The following KCNMB4 variants were observed in gnomAD, a reference collection of about 807,000 sequenced individuals.
The protein encoded by KCNMB4 is calcium-activated potassium channel subunit beta-4.
In KCNMB4, 3 loss-of-function variants were observed where a neutral mutation model predicts 20.7. That is an observed-to-expected ratio of 0.14 (90% CI 0.07 to 0.37). KCNMB4 has a LOEUF of 0.37. Among genes scored for constraint, KCNMB4 ranks in the 10% least tolerant of loss-of-function variants. The probability of loss-of-function intolerance (pLI) is 1.00; values close to 1 mark genes in which losing one functional copy is unlikely to be tolerated. For missense variants in KCNMB4, 168 were observed against 265.9 expected (o/e 0.63, Z 2.56); for synonymous variants, 110 against 113.4 (o/e 0.97, Z 0.19).
At chr12:70,397,493 C>T (rs1333325780) in intron 1 of KCNMB4, among the ~76,000 whole-genome samples, 1 of 152,140 alleles carries the variant, frequency 6.6e-6, no homozygotes, top group East Asian at 1.9e-4. Flanking sequence ...ATTATTTTCT[C>T]CAATGTAAAA....
chr12:70,388,739 A>G (rs1312791170), intron 1 of KCNMB4, among the ~76,000 whole-genome samples: 1 of 152,224 alleles, frequency 6.6e-6, no homozygotes, highest in Admixed American at 6.5e-5. Context: ...GAGAATTATA[A>G]TAGAGCCTGT....
chr12:70,390,901 G>A (rs774784569), intron 1 of KCNMB4, among the ~76,000 whole-genome samples: 8 of 152,118 alleles, frequency 5.3e-5, no homozygotes, highest in South Asian at 4.1e-4. Context: ...TAGCATTAGC[G>A]TAGAGCCAGT....
intron 2 of KCNMB4, among the ~76,000 whole-genome samples, chr12:70,425,266 C>G (rs1869180089): frequency 6.6e-6 from 1 of 151,854 alleles, no homozygotes; most frequent in East Asian, 1.9e-4. Flanking sequence ...GAAACCCCGT[C>G]TCTACTAAAA....
chr12:70,366,522 TG>T lies in KCNMB4; in HGVS notation c.-207del. 1 of 139,322 alleles carries T rather than the reference TG, an allele frequency of 7.2e-6. No individual in the cohort carries two copies. The highest frequency in any genetic ancestry group is 1.5e-5 in the Non-Finnish European group (1 of 65,524). The allele number at this position is 139,322 out of a possible 1,614,324, so 8.6% of individuals were successfully genotyped here. ...TGCACCGCGGGGCCCAGGCGGCGGC[TG>T]GGGGGCTGGGGGGCGCTGCCGCCGC... On this transcript the variant is annotated 5_prime_UTR_variant, in exon 1 of 3. Transcript: ENST00000258111.
Position 70,367,055 on chromosome 12 carries a change from C to T in KCNMB4, c.321C>T (p.Leu107=), listed in dbSNP as rs773614651. The T allele has an allele frequency of 6.5e-7, 1 of 1,532,776 alleles. No individual in the cohort carries two copies. The highest frequency in any genetic ancestry group is 1.8e-5 in the Admixed American group (1 of 54,124). 94.9% of individuals were successfully genotyped at this position (1,532,776 alleles called of 1,614,324 possible). A position where few individuals can be genotyped will look rare whatever the true frequency, so the allele number is the denominator to read the frequency against. Residue 107 remains leucine (L), a synonymous_variant, in exon 1 of 3, where the codon CTC becomes CTT. Transcript: ENST00000258111. ...RALLHSDEHQ[L]LTNPKCSYIP... is the part of the protein sequence containing the mutation. ...TGCTGCACAGCGACGAGCACCAGCT[C>T]CTGACCAACCCCAAGGTAAGAACGC...
In KCNMB4 at chr12:70,366,987, G is replaced by A. The variant is rs757999060; in HGVS notation, c.253G>A (p.Val85Ile). The A allele has an allele frequency of 4.4e-6, 7 of 1,606,822 alleles. No homozygotes were observed. The highest frequency in any genetic ancestry group is 8.5e-7 in the Non-Finnish European group (1 of 1,176,546). Residue 85 changes from valine to isoleucine, a missense_variant, in exon 1 of 3, where the codon GTC (valine) becomes ATC (isoleucine). Coordinates refer to ENST00000258111, the MANE Select transcript of KCNMB4 (RefSeq NM_014505.6). ...DCRGTSQYPCVQVYVNNSESN... is the reference protein window; with the variant it reads ...DCRGTSQYPCIQVYVNNSESN... ...CAGGGGCACCTCGCAGTACCCCTGC[G>A]TCCAGGTCTACGTGAACAACTCTGA...
At chr12:70,399,361 G>A (rs1368207008) in intron 1 of KCNMB4, among the ~76,000 whole-genome samples, 1 of 152,162 alleles carries the variant, frequency 6.6e-6, no homozygotes, top group Non-Finnish European at 1.5e-5. Context: ...TAGAGCTGAC[G>A]AAAATCTCAA....
intron 2 of KCNMB4, 52 bp from the exon 3 acceptor site, chr12:70,430,433 A>T (rs376180926): frequency 9.4e-6 from 15 of 1,590,320 alleles, no homozygotes; most frequent in Non-Finnish European, 1.1e-5. Context: ...AGAGTTTTTC[A>T]GTGCCAAGGC....
At chr12:70,421,740 C>A (rs966542125) in intron 2 of KCNMB4, among the ~76,000 whole-genome samples, 3 of 151,922 alleles carry the variant, frequency 2.0e-5, no homozygotes, top group Non-Finnish European at 4.4e-5. Context: ...CGCCACCACA[C>A]CCATCTAATT....
intron 2 of KCNMB4, among the ~76,000 whole-genome samples, chr12:70,407,041 A>T (rs1868623773): frequency 6.6e-6 from 1 of 152,180 alleles, no homozygotes. Context: ...CCCACAAATT[A>T]AAGGGTCCAG....
intron 2 of KCNMB4, among the ~76,000 whole-genome samples, chr12:70,425,135 A>G (rs971186112): frequency 6.6e-6 from 1 of 152,038 alleles, no homozygotes. Flanking sequence ...GAGTTTTGCC[A>G]AAAAAACAAA....
rs989002 is a variant in KCNMB4, at chr12:70,411,003, C to A, written c.464+10667C>A. Among the ~76,000 whole-genome samples the A allele has an allele frequency of 7.9e-3, 1,198 of 152,184 alleles. 5 individuals carry two copies. Among genetic ancestry groups the A allele is most frequent in the Non-Finnish European group, 0.012 (820 of 67,990 alleles). On this transcript the variant is annotated intron_variant, in intron 2 of 2. Coordinates refer to ENST00000258111, the MANE Select transcript of KCNMB4 (RefSeq NM_014505.6). ...ATTGAGTAGTGGTTTCTTCAGAACA[C>A]AGTTTTAAAGCCATTAAAATAGAAG...
intron 1 of KCNMB4, among the ~76,000 whole-genome samples, chr12:70,388,942 A>G (rs931611214): frequency 6.6e-6 from 1 of 150,836 alleles, no homozygotes; most frequent in African/African-American, 2.4e-5. Flanking sequence ...CCACCCAGAG[A>G]TAACTGGTTT....
chr12:70,422,520 A>G (rs1235726904), intron 2 of KCNMB4, among the ~76,000 whole-genome samples: 1 of 152,202 alleles, frequency 6.6e-6, no homozygotes, highest in Admixed American at 6.5e-5. Flanking sequence ...AGTTTCTTAG[A>G]TCTGATCTTA....
At chr12:70,371,671 T>G (rs1883598303) in intron 1 of KCNMB4, among the ~76,000 whole-genome samples, 1 of 152,204 alleles carries the variant, frequency 6.6e-6, no homozygotes, top group African/African-American at 2.4e-5. Context: ...AGGAAATCCT[T>G]TTTCAGCATC....
intron 2 of KCNMB4, among the ~76,000 whole-genome samples, chr12:70,413,406 G>A (rs561987242): frequency 2.0e-5 from 3 of 152,266 alleles, no homozygotes; most frequent in Non-Finnish European, 2.9e-5. Context: ...TACAAGAACC[G>A]TAGGACAAGT....
At chr12:70,387,622 A>G (rs146583844) in intron 1 of KCNMB4, among the ~76,000 whole-genome samples, 3 of 152,078 alleles carry the variant, frequency 2.0e-5, no homozygotes, top group Non-Finnish European at 2.9e-5. Context: ...GGCTGGTGTC[A>G]AACTCCTGAC....
At chr12:70,386,707 T>A (rs1868260584) in intron 1 of KCNMB4, among the ~76,000 whole-genome samples, 1 of 152,146 alleles carries the variant, frequency 6.6e-6, no homozygotes, top group Non-Finnish European at 1.5e-5. Context: ...CTTTTATTCC[T>A]GTTCTCACAC....
At chr12:70,402,636 C>G (rs939354392) in intron 2 of KCNMB4, among the ~76,000 whole-genome samples, 34 of 52,442 alleles carry the variant, frequency 6.5e-4, no homozygotes, top group African/African-American at 2.7e-3. Context: ...GCCTGGGTGA[C>G]AAAATGAGAC....
Sources: gnomAD v4.1 joint callset for allele counts (sites outside exome capture counted in the v4.1 genomes callset) on GRCh38, gnomAD v4.1.1 for gene constraint, MANE v1.5 for transcripts, NCBI Gene and HGNC (gene_info 2026-07-23, HGNC 2026-07-21) for gene names.